The following GAS7 variants were observed in gnomAD, a reference collection of about 807,000 sequenced individuals.
GAS7 encodes the protein growth arrest specific 7, also known as growth arrest-specific protein 7.
A neutral mutation model predicts 71.1 loss-of-function variants in GAS7; 28 were observed. That is an observed-to-expected ratio of 0.39 (90% CI 0.29 to 0.54). The LOEUF (loss-of-function observed/expected upper bound fraction) is 0.54. GAS7 is among the 20% of genes least tolerant of loss of function. GAS7 has a pLI of 0.62. For missense variants in GAS7, 436 were observed against 627.8 expected, an observed-to-expected ratio of 0.69 and a Z score of 3.27; for synonymous variants, 258 against 245.8, an observed-to-expected ratio of 1.05 and a Z score of -0.46.
intron 5 of GAS7, among the ~76,000 whole-genome samples, chr17:9,952,251 G>A (rs1333550281): frequency 1.3e-5 from 2 of 152,166 alleles, no homozygotes; most frequent in Non-Finnish European, 1.5e-5. Context: ...ACCAGCATTC[G>A]TGATCCATTT....
At chr17:10,036,952 T>C (rs920815901) in intron 1 of GAS7, among the ~76,000 whole-genome samples, 1 of 152,192 alleles carries the variant, frequency 6.6e-6, no homozygotes, top group Non-Finnish European at 1.5e-5. Context: ...GAGAATGTTT[T>C]GGCCAACTTC....
chr17:10,051,453 G>A (rs997640445), intron 1 of GAS7, among the ~76,000 whole-genome samples: 1 of 152,166 alleles, frequency 6.6e-6, no homozygotes, highest in African/African-American at 2.4e-5. Context: ...TGGCTTTGCG[G>A]GCCTAGAGCC....
chr17:10,065,732 C>T (rs2073274824), intron 1 of GAS7, among the ~76,000 whole-genome samples: 1 of 152,210 alleles, frequency 6.6e-6, no homozygotes, highest in Admixed American at 6.5e-5. Context: ...AGGACGTAGA[C>T]AATCTTGGAG....
At chr17:9,955,422 G>GAA (rs1434438215) in intron 5 of GAS7, among the ~76,000 whole-genome samples, 1 of 152,216 alleles carries the variant, frequency 6.6e-6, no homozygotes, top group Non-Finnish European at 1.5e-5. Context: ...CAAATAATGT[G>GAA]CCAGCCACAG....
rs1014921549 is a variant in GAS7 at position 9,916,266 on chromosome 17, G to A, written c.*962C>T. ...GCCCCATTAAGAGCCTGTGGTGGGC[G>A]GCCCGGGAGAGTGGGGGCCAGGGCA... On this transcript the variant is annotated 3_prime_UTR_variant, in exon 14 of 14. Transcript: ENST00000432992. The A allele has an allele frequency of 3.0e-5, 7 of 233,212 alleles. No individual in the cohort carries two copies. The highest frequency in any genetic ancestry group is 1.3e-3 in the Middle Eastern group (1 of 788). The allele number at this position is 233,212 out of a possible 1,614,324, so 14.4% of individuals were successfully genotyped here. A position where few individuals can be genotyped will look rare whatever the true frequency, so the allele number is the denominator to read the frequency against.
chr17:10,052,107 C>T (rs1273452932), intron 1 of GAS7, among the ~76,000 whole-genome samples: 1 of 152,020 alleles, frequency 6.6e-6, no homozygotes, highest in African/African-American at 2.4e-5. Context: ...CCACACTGTC[C>T]CCCGATTCCT....
rs774584688 is a variant in GAS7, at chr17:9,915,376, G to T, written c.*1852C>A. ...CACCCATTTTTCATAAAGAAACCAA[G>T]AAATAATATTCTAAAATTGGTAGCT... On this transcript the variant is annotated 3_prime_UTR_variant, in exon 14 of 14. Coordinates refer to ENST00000432992, the MANE Select transcript of GAS7 (RefSeq NM_201433.2). 4.3e-6 allele frequency: 1 copy of T among 231,062 alleles called. No individual in the cohort carries two copies. Among genetic ancestry groups the T allele is most frequent in the East Asian group, 6.1e-5 (1 of 16,274 alleles). The allele number at this position is 231,062 out of a possible 1,614,324, so 14.3% of individuals were successfully genotyped here.
rs1384497272 is a variant in GAS7, at chr17:9,911,798, T to C, written c.*5430A>G. The C allele has an allele frequency of 8.6e-6, 2 of 231,892 alleles. No individual in the cohort carries two copies. The highest frequency in any genetic ancestry group is 5.6e-5 in the Admixed American group (1 of 17,744). 14.4% of individuals were successfully genotyped at this position (231,892 alleles called of 1,614,324 possible). The stretch of plus-strand genomic sequence containing the variant: ...CCTGGCCTGGATCCAGAAATGTCTC[T>C]GGTTCGCATAGAGAGGTACCCAACT... On this transcript the variant is annotated 3_prime_UTR_variant, in exon 14 of 14. Transcript: ENST00000432992. This position sits in a 1 kb window ranked among gnomAD's most constrained non-coding sequence, Gnocchi z 4.0.
intron 1 of GAS7, among the ~76,000 whole-genome samples, chr17:10,113,753 G>T (rs2073835354): frequency 6.6e-6 from 1 of 152,176 alleles, no homozygotes; most frequent in Admixed American, 6.5e-5. Flanking sequence ...TGCCACTCGG[G>T]AAGGGAACTG....
chr17:10,079,109 T>C (rs1402370038), intron 1 of GAS7, among the ~76,000 whole-genome samples: 1 of 152,190 alleles, frequency 6.6e-6, no homozygotes, highest in Non-Finnish European at 1.5e-5. Context: ...ACTGGACTCC[T>C]GGCTGGGTGA....
At chr17:10,042,851 A>G (rs1389703315) in intron 1 of GAS7, among the ~76,000 whole-genome samples, 2 of 152,210 alleles carry the variant, frequency 1.3e-5, no homozygotes, top group African/African-American at 4.8e-5. Flanking sequence ...GAAATGAGAG[A>G]CAGCGAAGTT....
At chr17:9,967,177 T>C (rs1034090280) in intron 4 of GAS7, among the ~76,000 whole-genome samples, 8 of 151,822 alleles carry the variant, frequency 5.3e-5, no homozygotes, top group African/African-American at 1.9e-4. Flanking sequence ...TGTAGCTTTT[T>C]TTTTTTTTTT....
intron 1 of GAS7, among the ~76,000 whole-genome samples, chr17:10,099,540 A>G (rs981715609): frequency 2.0e-5 from 3 of 152,168 alleles, no homozygotes; most frequent in African/African-American, 4.8e-5. Context: ...AATGAATTAC[A>G]TTGCTTAATT....
chr17:10,022,638 C>T (rs2072313573), intron 1 of GAS7, among the ~76,000 whole-genome samples: 1 of 152,146 alleles, frequency 6.6e-6, no homozygotes, highest in Admixed American at 6.5e-5. Flanking sequence ...TTGTGGAAGA[C>T]GACGGAGAGG....
intron 1 of GAS7, among the ~76,000 whole-genome samples, chr17:10,078,811 G>A (rs1370349716): frequency 6.6e-6 from 1 of 152,184 alleles, no homozygotes; most frequent in Non-Finnish European, 1.5e-5. Flanking sequence ...TGCTTCGGGA[G>A]GCCAAGGCGG....
chr17:10,126,041 T>C (rs1341082102), intron 1 of GAS7, among the ~76,000 whole-genome samples: 1 of 152,058 alleles, frequency 6.6e-6, no homozygotes, highest in Non-Finnish European at 1.5e-5. Flanking sequence ...CTGGCCCCCA[T>C]CGCAGAGCAG....
chr17:10,020,995 T>A (rs1020393834), intron 1 of GAS7, among the ~76,000 whole-genome samples: 1 of 151,676 alleles, frequency 6.6e-6, no homozygotes, highest in Non-Finnish European at 1.5e-5. Flanking sequence ...GCAATTATTA[T>A]ACTCTCCTTT....
intron 4 of GAS7, among the ~76,000 whole-genome samples, chr17:9,965,628 A>G (rs1351354756): frequency 6.6e-6 from 1 of 152,218 alleles, no homozygotes; most frequent in East Asian, 1.9e-4. Flanking sequence ...ATGTGTACCT[A>G]TGTAACAAAC....
intron 3 of GAS7, among the ~76,000 whole-genome samples, chr17:9,970,049 T>C (rs191038724): frequency 8.7e-4 from 132 of 152,316 alleles, no homozygotes; most frequent in African/African-American, 3.1e-3. Context: ...GAGGTCACTA[T>C]GGTCCAGCTG....
Sources: gnomAD v4.1 joint callset for allele counts (sites outside exome capture counted in the v4.1 genomes callset) on GRCh38, gnomAD v4.1.1 for gene constraint, Gnocchi (gnomAD v3.1) non-coding constraint, MANE v1.5 for transcripts, NCBI Gene and HGNC (gene_info 2026-07-23, HGNC 2026-07-21) for gene names.